The following ZHX2 variants were observed in gnomAD, a reference collection of about 807,000 sequenced individuals.
ZHX2 encodes the protein zinc fingers and homeoboxes protein 2.
A neutral mutation model predicts 21.9 loss-of-function variants in ZHX2; 6 were observed. The ratio of observed to expected loss-of-function variants is 0.27; its 90% CI spans 0.15 to 0.54. The LOEUF is 0.54. Among genes scored for constraint, ZHX2 ranks in the 20% least tolerant of loss-of-function variants. The pLI, the probability that ZHX2 is intolerant of heterozygous loss-of-function variation, is 0.95. For synonymous variants in ZHX2, 434 were observed against 437.1 expected (o/e 0.99, Z 0.09); for missense variants, 908 against 1,090.7 (o/e 0.83, Z 2.36).
chr8:122,873,518 G>A (rs1819495608), intron 2 of ZHX2, among the ~76,000 whole-genome samples: 2 of 152,296 alleles, frequency 1.3e-5, no homozygotes. Context: ...GCATCAGAGC[G>A]GGCATGCAGA....
At chr8:122,829,243 G>C (rs1818323059) in intron 1 of ZHX2, among the ~76,000 whole-genome samples, 1 of 152,256 alleles carries the variant, frequency 6.6e-6, no homozygotes, top group Admixed American at 6.5e-5. Flanking sequence ...GGAAGGATGT[G>C]TTTTCTTAAT....
chr8:122,835,008 C>G (rs1231896157), intron 1 of ZHX2, among the ~76,000 whole-genome samples: 1 of 152,152 alleles, frequency 6.6e-6, no homozygotes, highest in Non-Finnish European at 1.5e-5. Context: ...ATGGTATCAG[C>G]ATGTGCCTGA....
At chr8:122,798,512 G>A (rs1817656296) in intron 1 of ZHX2, among the ~76,000 whole-genome samples, 1 of 152,150 alleles carries the variant, frequency 6.6e-6, no homozygotes, top group South Asian at 2.1e-4. Flanking sequence ...TAAGGACCCG[G>A]CTGAGCACGG....
At chr8:122,913,137 T>C (rs1384819683) in intron 2 of ZHX2, among the ~76,000 whole-genome samples, 4 of 152,250 alleles carry the variant, frequency 2.6e-5, no homozygotes, top group African/African-American at 9.6e-5. Flanking sequence ...TGGTCTTTCA[T>C]GACTGGCTTA....
intron 2 of ZHX2, among the ~76,000 whole-genome samples, chr8:122,931,713 T>C (rs1228460560): frequency 6.6e-6 from 1 of 152,168 alleles, no homozygotes; most frequent in East Asian, 1.9e-4. Flanking sequence ...TACCAATACC[T>C]GGCCCTACCC....
chr8:122,939,391 C>T (rs926686557), intron 2 of ZHX2, among the ~76,000 whole-genome samples: 13 of 144,654 alleles, frequency 9.0e-5, no homozygotes, highest in African/African-American at 3.3e-4. Context: ...GGAATCGAGC[C>T]GTCATGAGAG....
At chr8:122,792,915 C>G (rs1817546701) in intron 1 of ZHX2, among the ~76,000 whole-genome samples, 1 of 152,162 alleles carries the variant, frequency 6.6e-6, no homozygotes, top group Admixed American at 6.5e-5. Context: ...CGGTCCAGGC[C>G]CTGCCACCAC....
At chr8:122,798,222 G>A (rs1475467790) in intron 1 of ZHX2, among the ~76,000 whole-genome samples, 2 of 152,194 alleles carry the variant, frequency 1.3e-5, no homozygotes, top group African/African-American at 4.8e-5. Context: ...AATATCAGAA[G>A]TGTTAGGGAT....
At chr8:122,805,510 C>T (rs922310578) in intron 1 of ZHX2, among the ~76,000 whole-genome samples, 1 of 152,214 alleles carries the variant, frequency 6.6e-6, no homozygotes, top group Admixed American at 6.5e-5. Flanking sequence ...CATGGGCCAG[C>T]CCCACAGCAT....
At chr8:122,889,091 A>C (rs576648977) in intron 2 of ZHX2, among the ~76,000 whole-genome samples, 2 of 152,178 alleles carry the variant, frequency 1.3e-5, no homozygotes, top group Non-Finnish European at 2.9e-5. Flanking sequence ...TTCACGACTG[A>C]ATAGTATTTT....
Position 122,782,805 on chromosome 8 carries a change from C to G in ZHX2, c.-283+859C>G, listed in dbSNP as rs1163245192. Among the ~76,000 whole-genome samples, 5 of 152,192 alleles carry G rather than the reference C, an allele frequency of 3.3e-5. No individual in the cohort carries two copies. The highest frequency in any genetic ancestry group is 1.2e-4 in the African/African-American group (5 of 41,464). ...CAGCTGGCCGGAGCCTCTGCCAGCC[C>G]GAGCCCACGTTCGCCCCCCTGAACG... On this transcript the variant is annotated intron_variant, in intron 1 of 3. Coordinates refer to ENST00000314393, the MANE Select transcript of ZHX2 (RefSeq NM_014943.5). This position sits in a 1 kb window ranked among gnomAD's most constrained non-coding sequence, Gnocchi z 5.3.
intron 2 of ZHX2, among the ~76,000 whole-genome samples, chr8:122,926,703 G>A (rs1473114214): frequency 6.6e-6 from 1 of 152,182 alleles, no homozygotes; most frequent in Non-Finnish European, 1.5e-5. Context: ...GGAAGCTCTG[G>A]GTGAACATCT....
At chr8:122,868,790 A>C (rs115262629) in intron 2 of ZHX2, among the ~76,000 whole-genome samples, 4,055 of 151,972 alleles carry the variant, frequency 0.027, 173 homozygotes, top group African/African-American at 0.091. Context: ...AGACAAGAAG[A>C]TCAAGGTTGC....
intron 2 of ZHX2, among the ~76,000 whole-genome samples, chr8:122,892,110 T>C (rs1819995188): frequency 6.6e-6 from 1 of 152,214 alleles, no homozygotes; most frequent in Non-Finnish European, 1.5e-5. Flanking sequence ...GTTCCTGTGC[T>C]GAGTGCATAT....
rs780451085 is a variant in ZHX2, at chr8:122,951,706, A to G, written c.196A>G (p.Met66Val). Residue 66 changes from methionine to valine, a missense_variant, in exon 3 of 4, where the codon ATG (methionine) becomes GTG (valine). Met to Val is a conservative substitution (Grantham distance 21). Transcript: ENST00000314393. ...AAACGAAGTGATAGAGGTGAAATCT[A>G]TGGGGGAAAGCCAGTCCAAAAAACT... ...KENEVIEVKS[M>V]GESQSKKLQG... The G allele has an allele frequency of 1.2e-6, 2 of 1,614,032 alleles. No individual in the cohort carries two copies. Among genetic ancestry groups the G allele is most frequent in the South Asian group, 1.1e-5 (1 of 91,068 alleles).
intron 1 of ZHX2, among the ~76,000 whole-genome samples, chr8:122,835,849 T>C (rs1818482336): frequency 6.6e-6 from 1 of 152,220 alleles, no homozygotes; most frequent in African/African-American, 2.4e-5. Flanking sequence ...AATTGTAAAG[T>C]TGAATGTTTC....
At chr8:122,827,434 C>T (rs1261135847) in intron 1 of ZHX2, among the ~76,000 whole-genome samples, 2 of 152,150 alleles carry the variant, frequency 1.3e-5, no homozygotes, top group Non-Finnish European at 2.9e-5. Flanking sequence ...TGTGCTTTCT[C>T]AGTGCCAAGC....
chr8:122,872,120 G>T (rs1819456414), intron 2 of ZHX2, among the ~76,000 whole-genome samples: 1 of 152,150 alleles, frequency 6.6e-6, no homozygotes, highest in African/African-American at 2.4e-5. Flanking sequence ...CTTCAGGTCT[G>T]CAGGCGAAGA....
intron 2 of ZHX2, among the ~76,000 whole-genome samples, chr8:122,933,859 A>G (rs1451003202): frequency 6.6e-6 from 1 of 152,166 alleles, no homozygotes; most frequent in Non-Finnish European, 1.5e-5. Context: ...TCTTTCTTAC[A>G]CACTAATTTC....
Sources: gnomAD v4.1 joint callset for allele counts (sites outside exome capture counted in the v4.1 genomes callset) on GRCh38, gnomAD v4.1.1 for gene constraint, Gnocchi (gnomAD v3.1) non-coding constraint, MANE v1.5 for transcripts, NCBI Gene and HGNC (gene_info 2026-07-23, HGNC 2026-07-21) for gene names.